Variants in TEX15 observed in about 807,000 individuals in gnomAD.
TEX15 encodes testis expressed 15, meiosis and synapsis associated.
TEX15 carries 171 observed loss-of-function variants against 237.3 expected under a neutral mutation model. The observed-to-expected ratio is 0.72, with a 90% CI of 0.64 to 0.82. The LOEUF is 0.82. Among genes scored for constraint, TEX15 ranks in the 40% least tolerant of loss-of-function variants. TEX15 has a pLI of 0.00. For synonymous variants in TEX15, 1,338 were observed against 1,269.8 expected (o/e 1.05, Z -1.14); for missense variants, 3,750 against 3,646.5 (o/e 1.03, Z -0.73).
chr8:30,834,183 A>G (rs1467358862), intron 10 of TEX15, among the ~76,000 whole-genome samples: 1 of 152,002 alleles, frequency 6.6e-6, no homozygotes, highest in East Asian at 1.9e-4. Context: ...CCCTTTTATT[A>G]TTTTTTTGAG....
At chr8:30,863,662 C>T (rs1808097463) in intron 5 of TEX15, among the ~76,000 whole-genome samples, 1 of 151,498 alleles carries the variant, frequency 6.6e-6, no homozygotes, top group Admixed American at 6.6e-5. Context: ...CCCTATTTTG[C>T]AGCCAGACAT....
chr8:30,849,210 A>C lies in TEX15; in HGVS notation c.957T>G (p.Val319=). ...GTGCATTGCATAAACAGTTTTCTTG[A>C]ACAAATGGATCTACAGGTTTCTTGA... ...VHFKKPVDPF[V]QENCLCNALN... Residue 319 remains valine, a synonymous_variant, in exon 8 of 11, where the codon GTT becomes GTG. Transcript: ENST00000643185. 6.5e-7 allele frequency: 1 copy of C among 1,536,684 alleles called. No homozygotes were observed. Among genetic ancestry groups the C allele is most frequent in the Non-Finnish European group, 8.7e-7 (1 of 1,146,888 alleles).
rs1180887540 is a variant in TEX15, at chr8:30,874,970, T to C, written c.269A>G (p.Asn90Ser). 31 of 1,364,942 alleles carry C rather than the reference T, an allele frequency of 2.3e-5. No individual in the cohort carries two copies. The highest frequency in any genetic ancestry group is 1.1e-4 in the East Asian group (4 of 37,528). The allele number at this position is 1,364,942 out of a possible 1,614,324, so 84.6% of individuals were successfully genotyped here. A position where few individuals can be genotyped will look rare whatever the true frequency, so the allele number is the denominator to read the frequency against. ...AGTAAAATTTTTTTCCAGTTCCTCA[T>C]TGTGAACCAGTTTTGTATCCCCAAA... is the stretch of plus-strand genomic sequence containing the variant. ...WQFGDTKLVHNEELEKNFTAK... is the reference protein window; with the variant it reads ...WQFGDTKLVHSEELEKNFTAK... The change falls in exon 4 of 11, where the codon AAT (asparagine) becomes AGT (serine). Residue 90 changes from asparagine (N) to serine (S), a missense_variant. Physicochemically the swap from Asn to Ser is conservative, Grantham distance 46. Coordinates refer to ENST00000643185, the MANE Select transcript of TEX15 (RefSeq NM_001350162.2).
At position 30,912,147 on chromosome 8, in the gene TEX15, G is replaced by T. The variant is rs186829141; in HGVS notation, c.-86+732C>A. Among the ~76,000 whole-genome samples the T allele has an allele frequency of 6.1e-3, 927 of 152,234 alleles. 11 individuals are homozygous for T. Among genetic ancestry groups the T allele is most frequent in the African/African-American group, 0.021 (876 of 41,570 alleles). Reference sequence around the variant, plus strand: ...CCCCGCGCCGCCCTCACCTACCGAGGCTCCCCCGCGTCCACCGGCTCCTGC... The same window carrying T: ...CCCCGCGCCGCCCTCACCTACCGAGTCTCCCCCGCGTCCACCGGCTCCTGC... On this transcript the variant is annotated intron_variant, in intron 1 of 10. Coordinates refer to ENST00000643185, the MANE Select transcript of TEX15 (RefSeq NM_001350162.2).
Position 30,849,030 on chromosome 8 carries a change from T to G in TEX15, c.1137A>C (p.Ser379=). The change falls in exon 8 of 11, where the codon TCA becomes TCC. Residue 379 remains serine, a synonymous_variant. Coordinates refer to ENST00000643185, the MANE Select transcript of TEX15 (RefSeq NM_001350162.2). ...CATCACTGGGCATAAGTGAAATGTCTGAATCATGTGCAAGTACTTGAGAAG... is the reference window on the plus strand; with the variant it reads ...CATCACTGGGCATAAGTGAAATGTCGGAATCATGTGCAAGTACTTGAGAAG... The part of the protein sequence containing the change: ...RDTSQVLAHD[S]DISLMPSDAK... The G allele has an allele frequency of 2.5e-6, 4 of 1,614,170 alleles. No individual in the cohort carries two copies. The highest frequency in any genetic ancestry group is 3.4e-6 in the Non-Finnish European group (4 of 1,180,018).
At position 30,869,826 on chromosome 8, in the gene TEX15, C is replaced by T. The variant is rs144914402; in HGVS notation, c.303-2324G>A. Among the ~76,000 whole-genome samples, 178 of 152,056 alleles carry T rather than the reference C, an allele frequency of 1.2e-3. 1 individual carries two copies. The highest frequency in any genetic ancestry group is 3.8e-3 in the African/African-American group (157 of 41,502). The stretch of plus-strand genomic sequence containing the variant: ...GCAAGGAGCTTCACCTGCTTGATAA[C>T]GTAACTGGGTAAGAATCTGAAGAAC... On this transcript the variant is annotated intron_variant, in intron 4 of 10. Coordinates refer to ENST00000643185, the MANE Select transcript of TEX15 (RefSeq NM_001350162.2).
chr8:30,867,116 T>A (rs1291149024), intron 5 of TEX15, 149 bp downstream of exon 5: 3 of 319,620 alleles, frequency 9.4e-6, no homozygotes, highest in African/African-American at 6.5e-5. Context: ...AAATTTTGAA[T>A]AATGATGACA....
At chr8:30,912,467 A>G (rs1296389563) in intron 1 of TEX15, among the ~76,000 whole-genome samples, 1 of 152,194 alleles carries the variant, frequency 6.6e-6, no homozygotes, top group African/African-American at 2.4e-5. Context: ...GGCGAGGCGG[A>G]GGCCACCACC....
chr8:30,902,628 G>A (rs1245904098), intron 1 of TEX15, among the ~76,000 whole-genome samples: 3 of 152,208 alleles, frequency 2.0e-5, no homozygotes, highest in African/African-American at 7.2e-5. Flanking sequence ...GACCAGCAAA[G>A]CAAAAAACTA....
At chr8:30,898,997 C>T (rs1373531929) in intron 1 of TEX15, among the ~76,000 whole-genome samples, 180 bp from the exon 2 acceptor site, 4 of 152,002 alleles carry the variant, frequency 2.6e-5, no homozygotes, top group African/African-American at 9.7e-5. Context: ...ATCTCAGTTC[C>T]TTCTCTCAAG....
chr8:30,844,174 G>C lies in TEX15; in HGVS notation c.5993C>G (p.Ala1998Gly), dbSNP rs1204141055. ...CCTCTGCAAAATTTGAGATAGATTA[G>C]CTATAAGGGCCGTATGATTAGCTGA... is the stretch of plus-strand genomic sequence containing the variant. ...HCSANHTALI[A>G]NLSQILQRAD... Residue 1998 changes from alanine (A) to glycine (G), a missense_variant, in exon 8 of 11, where the codon GCT becomes GGT. Physicochemically the swap from Ala to Gly is moderately conservative, Grantham distance 60. Coordinates refer to ENST00000643185, the MANE Select transcript of TEX15 (RefSeq NM_001350162.2). 3 of 1,612,746 alleles carry C rather than the reference G, an allele frequency of 1.9e-6. No homozygotes were observed. The highest frequency in any genetic ancestry group is 1.7e-6 in the Non-Finnish European group (2 of 1,179,424).
At chr8:30,871,259 T>C (rs1027300813) in intron 4 of TEX15, among the ~76,000 whole-genome samples, 2 of 152,050 alleles carry the variant, frequency 1.3e-5, no homozygotes, top group African/African-American at 4.8e-5. Context: ...GGGAGTAGGA[T>C]GTGGACATCT....
chr8:30,897,297 T>G (rs535615667), intron 2 of TEX15, among the ~76,000 whole-genome samples: 5 of 152,296 alleles, frequency 3.3e-5, no homozygotes, highest in African/African-American at 1.2e-4. Flanking sequence ...TCCTACCACT[T>G]TCAGGCTCTA....
chr8:30,887,876 CACATATATATTTCATATATATAT>C (rs1424350644), intron 2 of TEX15: 25 of 133,200 alleles, frequency 1.9e-4, no homozygotes, highest in African/African-American at 6.7e-4. Flanking sequence ...ATATATATTT[CACATATATATTTCATATATATAT>C]ATATATATAT....
chr8:30,838,789 T>C (rs1242270138), intron 9 of TEX15, among the ~76,000 whole-genome samples: 1 of 85,006 alleles, frequency 1.2e-5, no homozygotes, highest in Non-Finnish European at 2.0e-5. Context: ...TATATATATA[T>C]ATATATATAT....
intron 2 of TEX15, among the ~76,000 whole-genome samples, chr8:30,891,487 C>A (rs1329168862): frequency 6.6e-6 from 1 of 152,036 alleles, no homozygotes; most frequent in Non-Finnish European, 1.5e-5. Context: ...CCGCACCCCC[C>A]CTTTTTTTTT....
At chr8:30,881,021 G>A (rs1808508075) in intron 3 of TEX15, among the ~76,000 whole-genome samples, 1 of 151,772 alleles carries the variant, frequency 6.6e-6, no homozygotes. Context: ...CTGAATACCT[G>A]CTAATTCCTC....
At chr8:30,900,428 T>C (rs1165107415) in intron 1 of TEX15, among the ~76,000 whole-genome samples, 1 of 152,228 alleles carries the variant, frequency 6.6e-6, no homozygotes, top group Non-Finnish European at 1.5e-5. Flanking sequence ...ATTAGTAACA[T>C]GAAATATTTA....
chr8:30,857,240 T>C (rs1045812571), intron 7 of TEX15, among the ~76,000 whole-genome samples: 1 of 152,118 alleles, frequency 6.6e-6, no homozygotes, highest in Non-Finnish European at 1.5e-5. Context: ...GGTTAGCACA[T>C]GTAAACTAAA....
Sources: allele counts gnomAD v4.1 joint callset (sites outside exome capture counted in the v4.1 genomes callset), GRCh38; gene constraint gnomAD v4.1.1; transcripts MANE v1.5; gene names NCBI Gene and HGNC (gene_info 2026-07-23, HGNC 2026-07-21).